Variants in APP observed in about 807,000 individuals in gnomAD.
APP encodes the protein amyloid beta precursor protein.
Under a neutral mutation model 101.4 loss-of-function variants are expected in APP, and 31 were observed. The observed-to-expected ratio is 0.31, with a 90% CI of 0.23 to 0.41. APP has a LOEUF of 0.41. APP is among the 10% of genes least tolerant of loss of function. The probability of loss-of-function intolerance (pLI) is 1.00; values close to 1 mark genes in which losing one functional copy is unlikely to be tolerated. For missense variants in APP, 839 were observed against 1,003.7 expected, an observed-to-expected ratio of 0.84 and a Z score of 2.22; for synonymous variants, 366 against 364.4, an observed-to-expected ratio of 1.00 and a Z score of -0.05.
intron 6 of APP, among the ~76,000 whole-genome samples, chr21:26,020,645 A>C (rs1398438415): frequency 6.6e-6 from 1 of 152,226 alleles, no homozygotes; most frequent in Admixed American, 6.5e-5. Context: ...TTTGCAGTAC[A>C]TTAAAATTCA....
At chr21:26,073,142 G>A (rs1347751761) in intron 3 of APP, among the ~76,000 whole-genome samples, 1 of 152,086 alleles carries the variant, frequency 6.6e-6, no homozygotes, top group Non-Finnish European at 1.5e-5. Flanking sequence ...GCAAGTATGT[G>A]TTGTGTGAGA....
intron 13 of APP, among the ~76,000 whole-genome samples, chr21:25,936,393 A>C (rs1300616216): frequency 1.3e-5 from 2 of 152,230 alleles, no homozygotes; most frequent in East Asian, 3.9e-4. Flanking sequence ...GTCTCTACTA[A>C]AAATACAAAA....
intron 3 of APP, among the ~76,000 whole-genome samples, chr21:26,081,018 C>T (rs1373852800): frequency 6.6e-6 from 1 of 152,082 alleles, no homozygotes; most frequent in Non-Finnish European, 1.5e-5. Flanking sequence ...CTCATGACTA[C>T]AGGGTATCTT....
At chr21:25,940,105 C>T (rs1309686118) in intron 13 of APP, among the ~76,000 whole-genome samples, 1 of 152,188 alleles carries the variant, frequency 6.6e-6, no homozygotes, top group East Asian at 1.9e-4. Context: ...TTACCTACTG[C>T]AATTTCTCTA....
At chr21:26,161,028 G>A (rs1368031267) in intron 1 of APP, among the ~76,000 whole-genome samples, 1 of 152,118 alleles carries the variant, frequency 6.6e-6, no homozygotes, top group Non-Finnish European at 1.5e-5. Flanking sequence ...CTTAAATGTT[G>A]AGAAGGTTGC....
chr21:25,998,640 G>C (rs1314333716), intron 7 of APP, among the ~76,000 whole-genome samples: 1 of 152,124 alleles, frequency 6.6e-6, no homozygotes, highest in Non-Finnish European at 1.5e-5. Context: ...GGCAGGAAAT[G>C]TGGCTGCCAC....
At chr21:25,944,881 G>C (rs1488188538) in intron 13 of APP, among the ~76,000 whole-genome samples, 3 of 152,126 alleles carry the variant, frequency 2.0e-5, no homozygotes, top group African/African-American at 7.2e-5. Flanking sequence ...CCACCACTGT[G>C]GTCTGACTTC....
At chr21:26,111,948 C>T (rs748584566) in intron 2 of APP, 31 bp downstream of exon 2, 12 of 1,613,068 alleles carry the variant, frequency 7.4e-6, no homozygotes, top group East Asian at 6.7e-5. Flanking sequence ...TGTGATCCAA[C>T]GTGAATTGCT....
intron 17 of APP, among the ~76,000 whole-genome samples, chr21:25,891,062 A>G (rs2146234568): frequency 6.6e-6 from 1 of 152,346 alleles, no homozygotes; most frequent in East Asian, 1.9e-4. Flanking sequence ...ATGCATAAAA[A>G]TAACTTATTC....
intron 5 of APP, among the ~76,000 whole-genome samples, chr21:26,034,168 C>T (rs2146834922): frequency 6.6e-6 from 1 of 151,750 alleles, no homozygotes; most frequent in Non-Finnish European, 1.5e-5. Context: ...TAATATGTCC[C>T]ACTGTGATAC....
chr21:26,097,790 GA>G (rs921477669), intron 2 of APP, among the ~76,000 whole-genome samples: 1 of 152,076 alleles, frequency 6.6e-6, no homozygotes, highest in Non-Finnish European at 1.5e-5. Context: ...ATAATTTTAA[GA>G]GTGCATAGGC....
intron 3 of APP, among the ~76,000 whole-genome samples, chr21:26,087,931 T>C (rs972283752): frequency 6.6e-6 from 1 of 152,260 alleles, no homozygotes; most frequent in African/African-American, 2.4e-5. Context: ...TGACTTGATA[T>C]TGAGATCTGA....
intron 5 of APP, among the ~76,000 whole-genome samples, chr21:26,032,699 TTTC>T (rs1199112446): frequency 6.6e-6 from 1 of 152,120 alleles, no homozygotes; most frequent in Non-Finnish European, 1.5e-5. Context: ...ACTTATGACA[TTTC>T]TTTTCTTTTT....
chr21:26,011,886 T>C (rs746286269), intron 6 of APP, among the ~76,000 whole-genome samples: 5 of 152,226 alleles, frequency 3.3e-5, no homozygotes, highest in Non-Finnish European at 7.3e-5. Flanking sequence ...CTAGAAATTA[T>C]ACCCAATAAG....
chr21:26,092,070 TAGG>T (rs1249187304), intron 2 of APP, among the ~76,000 whole-genome samples: 1 of 152,198 alleles, frequency 6.6e-6, no homozygotes, highest in Non-Finnish European at 1.5e-5. Flanking sequence ...AATAAGGCAG[TAGG>T]AGAACTATGC....
chr21:25,989,258 T>G (rs1392296693), intron 8 of APP, among the ~76,000 whole-genome samples: 1 of 152,200 alleles, frequency 6.6e-6, no homozygotes, highest in African/African-American at 2.4e-5. Context: ...GATAATCCAT[T>G]AAGTTGAACT....
chr21:26,004,090 A>G (rs556373873), intron 6 of APP, among the ~76,000 whole-genome samples: 4 of 152,300 alleles, frequency 2.6e-5, no homozygotes, highest in South Asian at 2.1e-4. Context: ...CCAGCGATGT[A>G]TGATGCTAAT....
chr21:25,883,862 C>T (rs1350609860), intron 17 of APP, among the ~76,000 whole-genome samples: 4 of 152,156 alleles, frequency 2.6e-5, no homozygotes, highest in African/African-American at 9.7e-5. Flanking sequence ...TATACAGCTC[C>T]CTCATCCCTT....
intron 6 of APP, among the ~76,000 whole-genome samples, chr21:26,002,223 G>T (rs2043326493): frequency 1.3e-5 from 2 of 152,224 alleles, no homozygotes; most frequent in Admixed American, 1.3e-4. Context: ...TTCTCCTGCG[G>T]AGTGTTTGAC....
Sources: gnomAD v4.1 joint callset for allele counts (sites outside exome capture counted in the v4.1 genomes callset) on GRCh38, gnomAD v4.1.1 for gene constraint, MANE v1.5 for transcripts, NCBI Gene and HGNC (gene_info 2026-07-23, HGNC 2026-07-21) for gene names.